The following FOXP1 variants were observed in gnomAD, a reference collection of about 807,000 sequenced individuals.
FOXP1 encodes forkhead box P1.
In FOXP1, 15 loss-of-function variants were observed where a neutral mutation model predicts 98.2. The ratio of observed to expected loss-of-function variants is 0.15; its 90% CI spans 0.10 to 0.24. The LOEUF is 0.24. FOXP1 is among the 10% of genes least tolerant of loss of function. FOXP1 has a pLI of 1.00. For synonymous variants in FOXP1, 371 were observed against 314.5 expected (o/e 1.18, Z -1.90); for missense variants, 633 against 848.5 (o/e 0.75, Z 3.15).
At chr3:70,972,869 A>T (rs2036564121) in intron 17 of FOXP1, among the ~76,000 whole-genome samples, 193 bp from the exon 18 acceptor site, 2 of 152,236 alleles carry the variant, frequency 1.3e-5, no homozygotes. Flanking sequence ...ATTATAAATT[A>T]ATCGTACTTT....
At chr3:71,529,202 G>C (rs1379438186) in intron 2 of FOXP1, among the ~76,000 whole-genome samples, 1 of 152,130 alleles carries the variant, frequency 6.6e-6, no homozygotes, top group African/African-American at 2.4e-5. Flanking sequence ...TTGACAAAAA[G>C]TTTTCAGTTT....
Position 71,328,989 on chromosome 3 carries a change from AC to A in FOXP1, c.-72-29110del, listed in dbSNP as rs200910270. ...TCCATCTCGCTAAAAAAAAAAAAAA[AC>A]AAAAAAAAAAAAACTGACAGTTTCA... On this transcript the variant is annotated intron_variant, in intron 4 of 20. Transcript: ENST00000649528. Among the ~76,000 whole-genome samples the A allele has an allele frequency of 0.014, 497 of 35,782 alleles. 74 individuals are homozygous for A. The East Asian group carries it at 0.19, about 13-fold the overall frequency. The allele number at this position is 35,782 out of a possible 152,430, so 23.5% of individuals were successfully genotyped here.
chr3:71,462,475 G>C (rs151252221), intron 3 of FOXP1, among the ~76,000 whole-genome samples: 79 of 152,224 alleles, frequency 5.2e-4, no homozygotes, highest in Non-Finnish European at 1.0e-3. Flanking sequence ...ACAGAATCAC[G>C]TATCCATGAT....
chr3:71,101,192 G>A (rs1309077639), intron 7 of FOXP1, among the ~76,000 whole-genome samples: 1 of 152,172 alleles, frequency 6.6e-6, no homozygotes, highest in East Asian at 1.9e-4. Context: ...GGTCAGTGAT[G>A]AGTCAAATGA....
chr3:71,286,962 C>T (rs982347171), intron 5 of FOXP1, among the ~76,000 whole-genome samples: 4 of 152,118 alleles, frequency 2.6e-5, no homozygotes, highest in Non-Finnish European at 4.4e-5. Context: ...GACGTAGTTA[C>T]AATCACAAAT....
chr3:71,024,506 T>G (rs1278697294), intron 11 of FOXP1, among the ~76,000 whole-genome samples: 2 of 152,208 alleles, frequency 1.3e-5, no homozygotes, highest in African/African-American at 4.8e-5. Flanking sequence ...CTAGAGTGAA[T>G]AAGGATGGAG....
At chr3:71,115,296 C>T (rs2058273661) in intron 6 of FOXP1, among the ~76,000 whole-genome samples, 2 of 142,990 alleles carry the variant, frequency 1.4e-5, no homozygotes, top group African/African-American at 5.0e-5. Context: ...AATGGGCACT[C>T]AATTATTATT....
At chr3:71,405,127 A>G (rs2082226499) in intron 3 of FOXP1, among the ~76,000 whole-genome samples, 1 of 152,186 alleles carries the variant, frequency 6.6e-6, no homozygotes. Context: ...CCCAAAGACA[A>G]GGGGCAAGGA....
chr3:71,539,961 T>C (rs1383602795), intron 2 of FOXP1, among the ~76,000 whole-genome samples: 7 of 152,210 alleles, frequency 4.6e-5, no homozygotes, highest in Non-Finnish European at 8.8e-5. Context: ...ACCTAGCACA[T>C]AGTAGACATC....
At chr3:71,175,159 G>A (rs1355289642) in intron 6 of FOXP1, among the ~76,000 whole-genome samples, 1 of 152,090 alleles carries the variant, frequency 6.6e-6, no homozygotes, top group Non-Finnish European at 1.5e-5. Flanking sequence ...TGATCCATCC[G>A]CCTTGGCCTC....
intron 8 of FOXP1, among the ~76,000 whole-genome samples, chr3:71,053,391 C>A (rs1204567455): frequency 1.3e-5 from 2 of 152,080 alleles, no homozygotes; most frequent in Non-Finnish European, 2.9e-5. Flanking sequence ...CAATTACAGC[C>A]CTGATCTCAG....
intron 3 of FOXP1, among the ~76,000 whole-genome samples, chr3:71,410,586 A>G (rs566132456): frequency 3.0e-4 from 46 of 152,338 alleles, no homozygotes; most frequent in Admixed American, 2.4e-3. Flanking sequence ...GTCCACACAC[A>G]TTGTATCAAT....
At chr3:71,396,973 T>TATGTGTATATATATATACAC (rs2081462216) in intron 3 of FOXP1, among the ~76,000 whole-genome samples, 1 of 27,382 alleles carries the variant, frequency 3.7e-5, no homozygotes, top group African/African-American at 1.4e-4. Context: ...TGTGTGTATA[T>TATGTGTATATATATATACAC]ATATATATGT....
chr3:71,446,038 TG>T (rs1464694829), intron 3 of FOXP1, among the ~76,000 whole-genome samples: 55 of 7,930 alleles, frequency 6.9e-3, no homozygotes, highest in African/African-American at 0.027. Flanking sequence ...AACTCATAGG[TG>T]AGTGAGTGAG....
intron 6 of FOXP1, among the ~76,000 whole-genome samples, chr3:71,161,838 T>C (rs2061151952): frequency 1.3e-5 from 2 of 152,144 alleles, no homozygotes; most frequent in Non-Finnish European, 2.9e-5. Context: ...CAGATGTCCT[T>C]AGAGGGAATG....
chr3:71,511,943 TA>T (rs1349078864), intron 2 of FOXP1, among the ~76,000 whole-genome samples: 1 of 152,198 alleles, frequency 6.6e-6, no homozygotes, highest in Non-Finnish European at 1.5e-5. Flanking sequence ...AAGGCTCAGG[TA>T]GGAGTTGACG....
intron 19 of FOXP1, among the ~76,000 whole-genome samples, chr3:70,967,439 C>G (rs1171224725): frequency 6.6e-6 from 1 of 152,164 alleles, no homozygotes; most frequent in Non-Finnish European, 1.5e-5. Flanking sequence ...TTCCTTCCTT[C>G]TACTTGTAAA....
intron 3 of FOXP1, among the ~76,000 whole-genome samples, chr3:71,463,361 A>G (rs1308362990): frequency 7.6e-6 from 1 of 130,808 alleles, no homozygotes; most frequent in Non-Finnish European, 1.7e-5. Context: ...TCTCAAAAAA[A>G]AAAAAAAAAA....
At chr3:71,090,479 G>A (rs1487232397) in intron 7 of FOXP1, among the ~76,000 whole-genome samples, 1 of 152,136 alleles carries the variant, frequency 6.6e-6, no homozygotes. Flanking sequence ...TCAGTCCCCA[G>A]GAGAAGCAAG....
Sources: gnomAD v4.1 joint callset for allele counts (sites outside exome capture counted in the v4.1 genomes callset) on GRCh38, gnomAD v4.1.1 for gene constraint, MANE v1.5 for transcripts, NCBI Gene and HGNC (gene_info 2026-07-23, HGNC 2026-07-21) for gene names.